PRIM2: variants seen among roughly 807,000 people sequenced by gnomAD.
PRIM2 encodes DNA primase subunit 2, also known as DNA primase large subunit.
In PRIM2, 39 loss-of-function variants were observed where a neutral mutation model predicts 67.3. That is an observed-to-expected ratio of 0.58 (90% CI 0.45 to 0.76). PRIM2 has a LOEUF of 0.76. Ranked by LOEUF, PRIM2 falls within the 30% of genes least tolerant of loss-of-function variation. The probability of loss-of-function intolerance (pLI) is 0.00; values close to 1 mark genes in which losing one functional copy is unlikely to be tolerated. For synonymous variants in PRIM2, 143 were observed against 198.7 expected (o/e 0.72, Z 2.36); for missense variants, 398 against 598.7 (o/e 0.66, Z 3.50).
intron 7 of PRIM2, among the ~76,000 whole-genome samples, chr6:57,440,719 T>G (rs1772177071): frequency 6.6e-6 from 1 of 152,200 alleles, no homozygotes; most frequent in East Asian, 1.9e-4. Flanking sequence ...TGTGAACCAT[T>G]CCATCAGCTA....
the PRIM2 span, among the ~76,000 whole-genome samples, chr6:57,282,852 T>C: frequency 6.6e-6 from 1 of 152,180 alleles, no homozygotes; most frequent in Admixed American, 6.5e-5. Flanking sequence ...TAGTCTGTGG[T>C]ATTTTGTTAT....
chr6:57,432,642 A>G (rs1328827210), intron 7 of PRIM2, among the ~76,000 whole-genome samples: 1 of 152,208 alleles, frequency 6.6e-6, no homozygotes, highest in African/African-American at 2.4e-5. Context: ...TTTGAGAAGA[A>G]TTTCTGTAAT....
At chr6:57,489,508 G>A (rs1375972469) in intron 7 of PRIM2, among the ~76,000 whole-genome samples, 2 of 147,734 alleles carry the variant, frequency 1.4e-5, no homozygotes, top group Non-Finnish European at 3.0e-5. Flanking sequence ...ATTGAGCCGA[G>A]ATCGTTCCAC....
intron 11 of PRIM2, among the ~76,000 whole-genome samples, chr6:57,601,868 A>C (rs1776473451): frequency 1.3e-5 from 2 of 152,248 alleles, no homozygotes; most frequent in South Asian, 2.1e-4. Flanking sequence ...TTAGAATCTT[A>C]AACACTTTTT....
chr6:57,311,495 C>T (rs1267208131), upstream of PRIM2, among the ~76,000 whole-genome samples: 1 of 151,856 alleles, frequency 6.6e-6, no homozygotes, highest in African/African-American at 2.4e-5. Flanking sequence ...AGGCGCTTCT[C>T]ACGTCCCAGA....
At chr6:57,401,990 G>A (rs1465690304) in intron 7 of PRIM2, among the ~76,000 whole-genome samples, 3 of 152,220 alleles carry the variant, frequency 2.0e-5, no homozygotes, top group African/African-American at 7.2e-5. Flanking sequence ...TGGTTGCTCT[G>A]TCCAGGGAGT....
intron 5 of PRIM2, chr6:57,326,353 A>G (rs1337595225): frequency 2.8e-5 from 6 of 216,094 alleles, no homozygotes; most frequent in African/African-American, 1.4e-4. Context: ...AAAGCTAATA[A>G]TGTGTTAAAC....
chr6:57,273,131 C>A, the PRIM2 span, among the ~76,000 whole-genome samples: 1 of 152,032 alleles, frequency 6.6e-6, no homozygotes, highest in Non-Finnish European at 1.5e-5. Flanking sequence ...CGAGGAGTAT[C>A]TTTGTGGCGT....
intron 12 of PRIM2, among the ~76,000 whole-genome samples, chr6:57,621,660 C>T (rs1296004047): frequency 2.6e-5 from 4 of 152,116 alleles, no homozygotes; most frequent in Non-Finnish European, 5.9e-5. Context: ...TGCCCATTAA[C>T]TTACAATTAC....
intron 7 of PRIM2, among the ~76,000 whole-genome samples, chr6:57,505,914 A>G (rs1296773282): frequency 1.3e-5 from 2 of 152,264 alleles, no homozygotes; most frequent in Non-Finnish European, 2.9e-5. Flanking sequence ...AAATGTCTAG[A>G]TAAATCATTT....
the PRIM2 span, among the ~76,000 whole-genome samples, chr6:57,306,491 A>G: frequency 6.6e-6 from 1 of 152,190 alleles, no homozygotes; most frequent in African/African-American, 2.4e-5. Flanking sequence ...GGACCTTTGC[A>G]TCCTGGCACC....
chr6:57,352,460 C>G (rs887904611), intron 5 of PRIM2, among the ~76,000 whole-genome samples: 1 of 152,142 alleles, frequency 6.6e-6, no homozygotes, highest in Non-Finnish European at 1.5e-5. Context: ...AGGCTGGTCT[C>G]AAACTCCTGA....
chr6:57,368,344 T>G (rs1769437515), intron 5 of PRIM2, among the ~76,000 whole-genome samples: 1 of 152,132 alleles, frequency 6.6e-6, no homozygotes, highest in African/African-American at 2.4e-5. Flanking sequence ...CAGGAATCTG[T>G]AATTTTAAAA....
chr6:57,324,724 A>G (rs1005295184), intron 4 of PRIM2, among the ~76,000 whole-genome samples: 3 of 152,194 alleles, frequency 2.0e-5, no homozygotes, highest in Non-Finnish European at 4.4e-5. Flanking sequence ...CTTTTAAGTT[A>G]ATAGTGCCAC....
At chr6:57,283,076 C>T in the PRIM2 span, among the ~76,000 whole-genome samples, 2 of 152,258 alleles carry the variant, frequency 1.3e-5, no homozygotes, top group South Asian at 2.1e-4. Context: ...TAGTCCTCCT[C>T]AGTTTTGATT....
At chr6:57,286,409 T>C in the PRIM2 span, among the ~76,000 whole-genome samples, 28 of 152,012 alleles carry the variant, frequency 1.8e-4, no homozygotes, top group Non-Finnish European at 3.7e-4. Context: ...CCAAAACAGA[T>C]ATATAGACAA....
intron 7 of PRIM2, among the ~76,000 whole-genome samples, chr6:57,416,187 T>C (rs1581884437): frequency 6.6e-6 from 1 of 152,180 alleles, no homozygotes; most frequent in Non-Finnish European, 1.5e-5. Context: ...TCCTGATCCA[T>C]GGGCAGCAGA....
At chr6:57,434,428 G>A (rs1310966482) in intron 7 of PRIM2, among the ~76,000 whole-genome samples, 2 of 151,556 alleles carry the variant, frequency 1.3e-5, no homozygotes, top group African/African-American at 4.9e-5. Flanking sequence ...ATTGATTAAA[G>A]CCTTAAAAAA....
chr6:57,467,454 G>A (rs1478799416), intron 7 of PRIM2, among the ~76,000 whole-genome samples: 9 of 152,110 alleles, frequency 5.9e-5, no homozygotes, highest in Non-Finnish European at 8.8e-5. Context: ...GGTGTTATTT[G>A]TGAGGCCTCT....
Sources: allele counts gnomAD v4.1 joint callset (sites outside exome capture counted in the v4.1 genomes callset), GRCh38; gene constraint gnomAD v4.1.1; transcripts MANE v1.5; gene names NCBI Gene and HGNC (gene_info 2026-07-23, HGNC 2026-07-21).